The following CPNE4 variants were observed in gnomAD, a reference collection of about 807,000 sequenced individuals.
CPNE4 encodes copine-4.
Under a neutral mutation model 67.9 loss-of-function variants are expected in CPNE4, and 25 were observed. The ratio of observed to expected loss-of-function variants is 0.37; its 90% CI spans 0.27 to 0.51. The LOEUF (loss-of-function observed/expected upper bound fraction) is 0.51, where lower values mean the gene tolerates loss of function less well. CPNE4 is among the 20% of genes least tolerant of loss of function. The pLI is 0.93. For synonymous variants in CPNE4, 242 were observed against 244.9 expected, an observed-to-expected ratio of 0.99 and a Z score of 0.11; for missense variants, 464 against 690.8, an observed-to-expected ratio of 0.67 and a Z score of 3.68.
chr3:131,975,342 C>T lies in CPNE4; in HGVS notation c.-2+59225G>A, dbSNP rs188161725. Among the ~76,000 whole-genome samples the T allele has an allele frequency of 6.1e-4, 93 of 152,264 alleles. No individual in the cohort carries two copies. In the Middle Eastern group the frequency reaches 0.017, roughly 28 times the overall value. On this transcript the variant is annotated intron_variant, in intron 1 of 15. Coordinates refer to ENST00000429747, the MANE Select transcript of CPNE4 (RefSeq NM_130808.3). ...AGGTTTTCATGGTGTGATAGAAAAA[C>T]CCCGGTTGGCAACTTGAGTGAGTTA... is the stretch of plus-strand genomic sequence containing the variant.
At chr3:131,966,563 A>G (rs561755937) in intron 1 of CPNE4, among the ~76,000 whole-genome samples, 1 of 152,348 alleles carries the variant, frequency 6.6e-6, no homozygotes, top group African/African-American at 2.4e-5. Context: ...CCACAGAAAT[A>G]CAAACTATCA....
At chr3:131,595,072 T>C (rs779991610) in intron 7 of CPNE4, among the ~76,000 whole-genome samples, 15 of 152,178 alleles carry the variant, frequency 9.9e-5, no homozygotes, top group Non-Finnish European at 1.8e-4. Context: ...TAACAAGTAT[T>C]GGTGAGGATG....
chr3:131,999,086 T>C (rs373986681), intron 1 of CPNE4, among the ~76,000 whole-genome samples: 4 of 151,812 alleles, frequency 2.6e-5, no homozygotes, highest in African/African-American at 7.3e-5. Context: ...TAAGGGGCAA[T>C]AGTATTTCAT....
intron 2 of CPNE4, among the ~76,000 whole-genome samples, chr3:131,794,453 C>T (rs1485070287): frequency 6.6e-6 from 1 of 152,094 alleles, no homozygotes; most frequent in Non-Finnish European, 1.5e-5. Flanking sequence ...CCATGTTGGC[C>T]AGGATGGTGT....
At chr3:131,769,125 C>T (rs1289798975) in intron 2 of CPNE4, among the ~76,000 whole-genome samples, 2 of 152,140 alleles carry the variant, frequency 1.3e-5, no homozygotes, top group African/African-American at 4.8e-5. Flanking sequence ...TATGGATTCC[C>T]TAGTGTTAGG....
intron 13 of CPNE4, among the ~76,000 whole-genome samples, chr3:131,551,538 A>G (rs1936173322): frequency 6.6e-6 from 1 of 152,052 alleles, no homozygotes; most frequent in African/African-American, 2.4e-5. Context: ...AATCCATAAT[A>G]AACTGAGGAT....
chr3:131,740,719 T>A (rs536519383), intron 2 of CPNE4, among the ~76,000 whole-genome samples: 1 of 152,338 alleles, frequency 6.6e-6, no homozygotes, highest in Admixed American at 6.5e-5. Flanking sequence ...GTAATCGTGT[T>A]AAAACTCAAG....
At chr3:131,671,585 C>T (rs907555741) in intron 6 of CPNE4, among the ~76,000 whole-genome samples, 12 of 152,056 alleles carry the variant, frequency 7.9e-5, no homozygotes, top group East Asian at 3.9e-4. Context: ...CTTCACTCAT[C>T]GGAAAACCTT....
At chr3:131,967,666 G>A (rs115285022) in intron 1 of CPNE4, among the ~76,000 whole-genome samples, 3,670 of 151,538 alleles carry the variant, frequency 0.024, 147 homozygotes, top group African/African-American at 0.083. Flanking sequence ...CAATTTACAA[G>A]AGGCTCCTTG....
At chr3:131,891,883 G>T (rs2088131218) in intron 2 of CPNE4, among the ~76,000 whole-genome samples, 1 of 152,042 alleles carries the variant, frequency 6.6e-6, no homozygotes, top group Non-Finnish European at 1.5e-5. Flanking sequence ...ATTACCTGGT[G>T]CTCATCTCAC....
chr3:131,734,001 G>A (rs193225049), intron 2 of CPNE4, among the ~76,000 whole-genome samples: 301 of 152,326 alleles, frequency 2.0e-3, no homozygotes, highest in Non-Finnish European at 3.5e-3. Context: ...TTCCAAGGAA[G>A]GGTGAAGTGA....
At chr3:131,546,022 C>T (rs554164788) in intron 14 of CPNE4, among the ~76,000 whole-genome samples, 1 of 152,194 alleles carries the variant, frequency 6.6e-6, no homozygotes, top group East Asian at 1.9e-4. Flanking sequence ...CCACTGCACT[C>T]CAGCCTGGCA....
intron 1 of CPNE4, among the ~76,000 whole-genome samples, chr3:131,968,858 T>C (rs1267615029): frequency 6.6e-6 from 1 of 152,200 alleles, no homozygotes; most frequent in Non-Finnish European, 1.5e-5. Context: ...AATTACTGGG[T>C]ATATACCCAA....
intron 7 of CPNE4, among the ~76,000 whole-genome samples, chr3:131,620,956 C>A (rs1016661912): frequency 6.6e-6 from 1 of 152,132 alleles, no homozygotes; most frequent in African/African-American, 2.4e-5. Flanking sequence ...AATTTTGTTA[C>A]AGTAGCAATA....
chr3:131,629,281 G>A (rs539831380), intron 7 of CPNE4, among the ~76,000 whole-genome samples: 19 of 152,218 alleles, frequency 1.2e-4, no homozygotes, highest in African/African-American at 3.1e-4. Context: ...GGGAGGGGAC[G>A]CAGCCAAACC....
intron 7 of CPNE4, among the ~76,000 whole-genome samples, chr3:131,598,779 C>G (rs980126944): frequency 6.6e-6 from 1 of 151,974 alleles, no homozygotes; most frequent in Admixed American, 6.6e-5. Flanking sequence ...CGATGTCCAA[C>G]CACATGGTAT....
Position 131,993,559 on chromosome 3 carries a change from A to C in CPNE4, c.-2+41008T>G, listed in dbSNP as rs549522970. Among the ~76,000 whole-genome samples, 2 of 131,534 alleles carry C rather than the reference A, an allele frequency of 1.5e-5. 1 individual carries two copies. The highest frequency in any genetic ancestry group is 4.9e-4 in the East Asian group (2 of 4,054). 86.3% of individuals were successfully genotyped at this position (131,534 alleles called of 152,430 possible). ...TTGTCTGTGAAAACATGGGTTCTGC[A>C]TAAGACCAACATCCTAAAGTGCAGC... is the stretch of plus-strand genomic sequence containing the variant. On this transcript the variant is annotated intron_variant, in intron 1 of 15. Transcript: ENST00000429747.
chr3:131,647,464 G>A (rs891542331), intron 7 of CPNE4, among the ~76,000 whole-genome samples: 6 of 152,186 alleles, frequency 3.9e-5, no homozygotes, highest in Admixed American at 3.3e-4. Context: ...CCTTTTGCCT[G>A]CCCTCCACCG....
At chr3:131,926,647 T>A (rs1216783330) in intron 1 of CPNE4, among the ~76,000 whole-genome samples, 1 of 152,134 alleles carries the variant, frequency 6.6e-6, no homozygotes, top group African/African-American at 2.4e-5. Flanking sequence ...TCAGCTATTT[T>A]AAGTGGGAAT....
Sources: gnomAD v4.1 joint callset for allele counts (sites outside exome capture counted in the v4.1 genomes callset) on GRCh38, gnomAD v4.1.1 for gene constraint, MANE v1.5 for transcripts, NCBI Gene and HGNC (gene_info 2026-07-23, HGNC 2026-07-21) for gene names.